GRK4: variants seen among roughly 807,000 people sequenced by gnomAD.
The protein encoded by GRK4 is G protein-coupled receptor kinase 4, also known as G protein-coupled receptor kinase 2-like.
In GRK4, 73 loss-of-function variants were observed where a neutral mutation model predicts 77.9. The ratio of observed to expected loss-of-function variants is 0.94; its 90% CI spans 0.78 to 1.14. GRK4 has a LOEUF of 1.14. GRK4 is among the 50% of genes most tolerant of loss of function. The probability of loss-of-function intolerance (pLI) is 0.00; values close to 1 mark genes in which losing one functional copy is unlikely to be tolerated. For missense variants in GRK4, 729 were observed against 700.2 expected (o/e 1.04, Z -0.46); for synonymous variants, 257 against 254.4 (o/e 1.01, Z -0.10).
chr4:2,964,728 A>T (rs1357144776), intron 1 of GRK4, among the ~76,000 whole-genome samples: 1 of 152,252 alleles, frequency 6.6e-6, no homozygotes, highest in Non-Finnish European at 1.5e-5. Context: ...GCAGAAATTT[A>T]AAAATAGTAA....
chr4:2,986,265 G>A (rs75901874), intron 2 of GRK4, among the ~76,000 whole-genome samples: 1,480 of 140,596 alleles, frequency 0.011, 26 homozygotes, highest in African/African-American at 0.039. Context: ...GATTATGGAT[G>A]GGGTAGAACA....
At chr4:2,989,629 A>G (rs967038958) in intron 3 of GRK4, among the ~76,000 whole-genome samples, 1 of 152,210 alleles carries the variant, frequency 6.6e-6, no homozygotes, top group Non-Finnish European at 1.5e-5. Context: ...TTCGGCTACC[A>G]GAAAAGTGTC....
At chr4:2,988,221 C>T (rs1236606566) in intron 2 of GRK4, among the ~76,000 whole-genome samples, 3 of 151,876 alleles carry the variant, frequency 2.0e-5, no homozygotes, top group Non-Finnish European at 4.4e-5. Flanking sequence ...TCTTTCCCAA[C>T]GCTTTTGATT....
intron 8 of GRK4, among the ~76,000 whole-genome samples, chr4:3,017,126 C>T (rs1734781200): frequency 6.6e-6 from 1 of 152,232 alleles, no homozygotes; most frequent in Non-Finnish European, 1.5e-5. Flanking sequence ...CATCCACTTT[C>T]CTGATTAAAA....
In GRK4 at chr4:3,034,001, C is replaced by G. The variant is rs756829059; in HGVS notation, c.1270-1385C>G. 7.9e-4 allele frequency among the ~76,000 whole-genome samples: 121 copies of G among 152,224 alleles called. 1 individual carries two copies. Among genetic ancestry groups the G allele is most frequent in the Admixed American group, 2.0e-4 (3 of 15,286 alleles). On this transcript the variant is annotated intron_variant, in intron 12 of 15. Coordinates refer to ENST00000398052, the MANE Select transcript of GRK4 (RefSeq NM_182982.3). Reference sequence around the variant, plus strand: ...TCACAGTGGGCCAGAGTCACACAGCCTTAGCTTCAGGAAGCTTTGAGTCTA... The same window carrying G: ...TCACAGTGGGCCAGAGTCACACAGCGTTAGCTTCAGGAAGCTTTGAGTCTA...
chr4:2,976,287 A>G (rs937686394), intron 1 of GRK4, among the ~76,000 whole-genome samples: 29 of 148,746 alleles, frequency 1.9e-4, no homozygotes, highest in African/African-American at 5.2e-4. Context: ...GCTGGAATGC[A>G]GTGGCGCAGT....
chr4:2,996,208 T>C (rs1166658908), intron 4 of GRK4, among the ~76,000 whole-genome samples: 2 of 152,128 alleles, frequency 1.3e-5, no homozygotes, highest in African/African-American at 4.8e-5. Flanking sequence ...GCAAACCTAC[T>C]CCAGGGATAA....
At chr4:3,006,236 A>G (rs1294580737) in intron 5 of GRK4, among the ~76,000 whole-genome samples, 2 of 151,890 alleles carry the variant, frequency 1.3e-5, no homozygotes, top group Non-Finnish European at 2.9e-5. Context: ...AAAATTAGCC[A>G]GGCATGGTGG....
At chr4:2,965,204 T>G (rs1459417528) in intron 1 of GRK4, 1 of 691,700 alleles carries the variant, frequency 1.4e-6, no homozygotes, top group South Asian at 1.5e-5. Context: ...TACCTTAACA[T>G]AAATATCCTC....
chr4:3,019,472 A>G (rs1221944444), intron 8 of GRK4, among the ~76,000 whole-genome samples, 169 bp from the exon 9 acceptor site: 1 of 152,230 alleles, frequency 6.6e-6, no homozygotes, highest in Non-Finnish European at 1.5e-5. Flanking sequence ...CAGCATGCCA[A>G]GGTCCAAGAG....
chr4:3,018,033 TA>T (rs113983871), intron 8 of GRK4, among the ~76,000 whole-genome samples: 1 of 150,410 alleles, frequency 6.6e-6, no homozygotes, highest in East Asian at 1.9e-4. Context: ...GAAAAAAGGT[TA>T]AAAAAAAGCC....
chr4:2,999,476 T>C (rs1728918088), intron 4 of GRK4, among the ~76,000 whole-genome samples: 1 of 152,232 alleles, frequency 6.6e-6, no homozygotes, highest in East Asian at 1.9e-4. Context: ...CGATAACACA[T>C]TAACAGTCAA....
At chr4:2,985,952 T>TCCAG (rs1176342807) in intron 2 of GRK4, 1 of 127,786 alleles carries the variant, frequency 7.8e-6, no homozygotes, top group African/African-American at 3.1e-5. Flanking sequence ...ACCACTGCAC[T>TCCAG]CCAGCCTGGG....
At chr4:3,037,634 C>A in intron 14 of GRK4, 123 bp downstream of exon 14, 1 of 1,175,218 alleles carries the variant, frequency 8.5e-7, no homozygotes, top group Non-Finnish European at 1.2e-6. Flanking sequence ...TTATATAAGA[C>A]GGCTGGGCGC....
At chr4:3,010,599 G>A (rs189639213) in intron 7 of GRK4, among the ~76,000 whole-genome samples, 27 of 152,286 alleles carry the variant, frequency 1.8e-4, no homozygotes, top group African/African-American at 6.0e-4. Flanking sequence ...AACAGCAGCA[G>A]TTCTGGTCTG....
intron 5 of GRK4, among the ~76,000 whole-genome samples, chr4:3,005,235 C>T (rs912142582): frequency 3.9e-5 from 6 of 151,942 alleles, no homozygotes; most frequent in Non-Finnish European, 5.9e-5. Context: ...CAGACAGTCA[C>T]TCATGTCACA....
intron 13 of GRK4, among the ~76,000 whole-genome samples, chr4:3,035,947 C>T (rs1185419597): frequency 6.6e-6 from 1 of 151,916 alleles, no homozygotes; most frequent in Non-Finnish European, 1.5e-5. Flanking sequence ...GGGGGAGCCC[C>T]CCAGGTAGCT....
intron 4 of GRK4, among the ~76,000 whole-genome samples, chr4:3,001,255 GTATATA>G: frequency 2.8e-5 from 3 of 108,898 alleles, no homozygotes; most frequent in Admixed American, 8.7e-5. Flanking sequence ...ATACATATAT[GTATATA>G]TATGTGTGTA....
At chr4:3,001,719 C>A (rs1431637429) in intron 4 of GRK4, among the ~76,000 whole-genome samples, 1 of 152,096 alleles carries the variant, frequency 6.6e-6, no homozygotes, top group Non-Finnish European at 1.5e-5. Flanking sequence ...TAAATGGCAG[C>A]TACTAATCAT....
Sources: gnomAD v4.1 joint callset for allele counts (sites outside exome capture counted in the v4.1 genomes callset) on GRCh38, gnomAD v4.1.1 for gene constraint, MANE v1.5 for transcripts, NCBI Gene and HGNC (gene_info 2026-07-23, HGNC 2026-07-21) for gene names.